The following CSMD1 variants were observed in gnomAD, a reference collection of about 807,000 sequenced individuals.
CSMD1 encodes the protein CUB and sushi domain-containing protein 1.
In CSMD1, 213 loss-of-function variants were observed where a neutral mutation model predicts 417.5. That is an observed-to-expected ratio of 0.51 (90% CI 0.46 to 0.57). CSMD1 has a LOEUF of 0.57. Among genes scored for constraint, CSMD1 ranks in the 20% least tolerant of loss-of-function variants. The probability of loss-of-function intolerance (pLI) is 0.00; values close to 1 mark genes in which losing one functional copy is unlikely to be tolerated. For synonymous variants in CSMD1, 2,862 were observed against 1,736.8 expected (o/e 1.65, Z -16.11); for missense variants, 6,923 against 4,529.7 (o/e 1.53, Z -15.17).
Position 3,200,327 on chromosome 8 carries a change from G to A in CSMD1, c.5099-518C>T, listed in dbSNP as rs530490137. Among the ~76,000 whole-genome samples, 570 of 152,062 alleles carry A rather than the reference G, an allele frequency of 3.7e-3. 2 individuals are homozygous for A. The highest frequency in any genetic ancestry group is 0.012 in the African/African-American group (514 of 41,482). ...CCCAGCATTTTGGGAGGCTGAAGCT[G>A]GTGGATCACTTGAGGCCAGGAGTTT... On this transcript the variant is annotated intron_variant, in intron 32 of 69. Transcript: ENST00000635120.
chr8:3,338,163 G>C (rs1328708442), intron 23 of CSMD1, among the ~76,000 whole-genome samples: 4 of 152,192 alleles, frequency 2.6e-5, no homozygotes. Flanking sequence ...CCAGCCACAA[G>C]ACACAACGTA....
intron 3 of CSMD1, among the ~76,000 whole-genome samples, chr8:4,370,146 A>G (rs1802315028): frequency 6.6e-6 from 1 of 151,770 alleles, no homozygotes; most frequent in Admixed American, 6.6e-5. Flanking sequence ...GAGTTTCAAC[A>G]AATTACCTTA....
chr8:3,793,267 C>G (rs1231671964), intron 5 of CSMD1, among the ~76,000 whole-genome samples: 2 of 152,224 alleles, frequency 1.3e-5, no homozygotes, highest in African/African-American at 2.4e-5. Context: ...CAAGCGACTG[C>G]AGCAGTCTCT....
intron 65 of CSMD1, among the ~76,000 whole-genome samples, chr8:2,952,656 C>T (rs1374348123): frequency 6.6e-6 from 1 of 151,582 alleles, no homozygotes; most frequent in Admixed American, 6.6e-5. Context: ...TTTTCCATTA[C>T]TAAAATTAAT....
chr8:3,790,842 C>T (rs562665583), intron 5 of CSMD1, among the ~76,000 whole-genome samples: 3 of 152,220 alleles, frequency 2.0e-5, no homozygotes, highest in Middle Eastern at 3.4e-3. Flanking sequence ...CCCTGAGTAA[C>T]CGTCCCTCTC....
chr8:3,500,520 A>C (rs1028657659), intron 10 of CSMD1, among the ~76,000 whole-genome samples: 1 of 152,210 alleles, frequency 6.6e-6, no homozygotes, highest in African/African-American at 2.4e-5. Flanking sequence ...AAGAGGAATG[A>C]GGATGAGCTG....
chr8:3,940,849 A>T (rs1179623695), intron 5 of CSMD1, among the ~76,000 whole-genome samples: 3 of 150,126 alleles, frequency 2.0e-5, no homozygotes, highest in East Asian at 3.9e-4. Context: ...AAGTTTATTA[A>T]AAACTAATCA....
rs770667001 is a variant in CSMD1, at chr8:2,951,187, G to C, written c.10128C>G (p.Asp3376Glu). ...CCTTACTGCTTGTTGCATTGAACCA[G>C]TCAACAGTTAGAGTGGCGGGTTGTC... ...GKRQPATLTV[D>E]WFNATSSKVN... Residue 3376 changes from aspartate (D) to glutamate (E), a missense_variant, in exon 66 of 70, where the codon GAC becomes GAG. By Grantham distance (45) the Asp-to-Glu change is conservative. Coordinates refer to ENST00000635120, the MANE Select transcript of CSMD1 (RefSeq NM_033225.6). 1 of 1,613,598 alleles carries C rather than the reference G, an allele frequency of 6.2e-7. No individual in the cohort carries two copies. Among genetic ancestry groups the C allele is most frequent in the Non-Finnish European group, 8.5e-7 (1 of 1,179,664 alleles).
At chr8:3,546,730 G>T (rs1563141123) in intron 10 of CSMD1, among the ~76,000 whole-genome samples, 1 of 152,120 alleles carries the variant, frequency 6.6e-6, no homozygotes, top group Non-Finnish European at 1.5e-5. Flanking sequence ...GAAGATAAAA[G>T]GAGCTGCAGA....
intron 5 of CSMD1, among the ~76,000 whole-genome samples, chr8:3,772,124 A>C (rs569261685): frequency 6.7e-6 from 1 of 149,318 alleles, no homozygotes; most frequent in East Asian, 2.0e-4. Context: ...TCTAAACTGT[A>C]AATGAACACC....
At chr8:3,804,844 G>A (rs778645245) in intron 5 of CSMD1, among the ~76,000 whole-genome samples, 24 of 152,232 alleles carry the variant, frequency 1.6e-4, no homozygotes, top group Admixed American at 2.6e-4. Context: ...TAAAGAAAGG[G>A]TAGGTTTTCT....
rs150053343 is a variant in CSMD1 at position 2,949,835 on chromosome 8, G to C, written c.10314+396C>G. Among the ~76,000 whole-genome samples the C allele has an allele frequency of 3.8e-3, 578 of 152,220 alleles. 7 individuals are homozygous for C. The highest frequency in any genetic ancestry group is 0.017 in the Middle Eastern group (5 of 294). On this transcript the variant is annotated intron_variant, in intron 67 of 69. Transcript: ENST00000635120. ...TTAACTTGCAAAGAACGGTGTTAAG[G>C]GGGATGTCTTAAATCTTTCTATTTA...
intron 57 of CSMD1, among the ~76,000 whole-genome samples, chr8:2,968,289 G>C (rs1294345024): frequency 1.3e-5 from 2 of 152,142 alleles, no homozygotes; most frequent in Non-Finnish European, 2.9e-5. Context: ...GAGTGAGTTT[G>C]GTCCAATTCA....
intron 3 of CSMD1, among the ~76,000 whole-genome samples, chr8:4,101,690 A>G (rs1274319349): frequency 1.3e-5 from 2 of 152,224 alleles, no homozygotes; most frequent in Non-Finnish European, 2.9e-5. Context: ...GATGGTAACC[A>G]AATGATTGAG....
chr8:4,062,566 A>G (rs1185711101), intron 3 of CSMD1, among the ~76,000 whole-genome samples: 2 of 152,146 alleles, frequency 1.3e-5, no homozygotes, highest in Non-Finnish European at 2.9e-5. Context: ...CGTGAAACAT[A>G]TCCTATAAAA....
In CSMD1 at chr8:4,783,839, T is replaced by C. The variant is rs184189869; in HGVS notation, c.86-146281A>G. ...CCAGCCTAAGGAAAACATTCTTATATTGGTGATATCACTCCTCTAAAGCAA... is the reference window on the plus strand; with the variant it reads ...CCAGCCTAAGGAAAACATTCTTATACTGGTGATATCACTCCTCTAAAGCAA... On this transcript the variant is annotated intron_variant, in intron 1 of 69. Transcript: ENST00000635120. Among the ~76,000 whole-genome samples the C allele has an allele frequency of 2.8e-3, 421 of 152,322 alleles. 6 individuals are homozygous for C. The highest frequency in any genetic ancestry group is 9.8e-3 in the African/African-American group (406 of 41,578).
At chr8:3,462,006 C>A (rs956177229) in intron 12 of CSMD1, among the ~76,000 whole-genome samples, 2 of 152,068 alleles carry the variant, frequency 1.3e-5, no homozygotes, top group African/African-American at 4.8e-5. Flanking sequence ...TCCTAGGAAA[C>A]GAGGCCAGTC....
At chr8:4,155,479 T>C (rs1052431870) in intron 3 of CSMD1, among the ~76,000 whole-genome samples, 1 of 152,232 alleles carries the variant, frequency 6.6e-6, no homozygotes, top group Non-Finnish European at 1.5e-5. Flanking sequence ...TGTTTCCTTC[T>C]AGTTAAACAA....
intron 10 of CSMD1, among the ~76,000 whole-genome samples, chr8:3,571,102 T>G (rs1269296972): frequency 2.6e-5 from 4 of 152,228 alleles, no homozygotes; most frequent in Admixed American, 6.5e-5. Context: ...TAATGGCACT[T>G]ACAGGTGGAA....
Sources: allele counts gnomAD v4.1 joint callset (sites outside exome capture counted in the v4.1 genomes callset), GRCh38; gene constraint gnomAD v4.1.1; transcripts MANE v1.5; gene names NCBI Gene and HGNC (gene_info 2026-07-23, HGNC 2026-07-21).